Variants in CYP4X1 observed in about 807,000 individuals in gnomAD.
CYP4X1 encodes cytochrome P450 family 4 subfamily X member 1, also known as cytochrome P450 4X1.
A neutral mutation model predicts 57.9 loss-of-function variants in CYP4X1; 44 were observed. The ratio of observed to expected loss-of-function variants is 0.76; its 90% CI spans 0.60 to 0.98. The LOEUF (loss-of-function observed/expected upper bound fraction) is 0.98, where lower values mean the gene tolerates loss of function less well. CYP4X1 is among the 50% of genes least tolerant of loss of function. CYP4X1 has a pLI of 0.00. For synonymous variants in CYP4X1, 227 were observed against 228.6 expected (o/e 0.99, Z 0.06); for missense variants, 532 against 623.9 (o/e 0.85, Z 1.57).
rs187074851 is a variant in CYP4X1, at chr1:47,050,064, C to T, written c.1420C>T (p.His474Tyr). 1.8e-4 allele frequency: 293 copies of T among 1,614,008 alleles called. 4 individuals carry two copies. The highest frequency in any genetic ancestry group is 2.4e-5 in the Non-Finnish European group (28 of 1,180,000). Reference sequence around the variant, plus strand: ...GGTAACCATTGCCTTGATTCTGCTCCACTTCAGAGTGACTCCAGACCCCAC... The same window carrying T: ...GGTAACCATTGCCTTGATTCTGCTCTACTTCAGAGTGACTCCAGACCCCAC... ...LKVTIALILL[H>Y]FRVTPDPTRP... is the part of the protein sequence containing the mutation. The change falls in exon 12 of 12, where the codon CAC (histidine) becomes TAC (tyrosine). Residue 474 changes from histidine (H) to tyrosine (Y), a missense_variant. Transcript: ENST00000371901.
chr1:46,989,734 A>G, the CYP4X1 span, among the ~76,000 whole-genome samples: 1 of 152,250 alleles, frequency 6.6e-6, no homozygotes, highest in African/African-American at 2.4e-5. Context: ...TAGAGACCTC[A>G]GAAATAACAC....
At chr1:46,976,312 G>A in the CYP4X1 span, among the ~76,000 whole-genome samples, 20 of 152,296 alleles carry the variant, frequency 1.3e-4, no homozygotes, top group East Asian at 3.9e-4. Context: ...GCCTGGATCC[G>A]TGGGTCCCAT....
At chr1:47,032,211 G>A (rs895592146) in intron 3 of CYP4X1, among the ~76,000 whole-genome samples, 2 of 152,052 alleles carry the variant, frequency 1.3e-5, no homozygotes, top group Admixed American at 6.6e-5. Flanking sequence ...GCAATATTCT[G>A]TCAGCAGATA....
intron 6 of CYP4X1, among the ~76,000 whole-genome samples, chr1:47,038,044 G>A (rs959059928): frequency 6.6e-6 from 1 of 152,052 alleles, no homozygotes; most frequent in Non-Finnish European, 1.5e-5. Flanking sequence ...CAATGTACCA[G>A]AATCACACTG....
chr1:47,048,675 T>C, intron 10 of CYP4X1, 46 bp downstream of exon 10: 1 of 1,545,184 alleles, frequency 6.5e-7, no homozygotes, highest in Non-Finnish European at 8.7e-7. Context: ...ACTAATGCTG[T>C]GCAAGTCACT....
chr1:47,029,515 A>G (rs555781691), intron 1 of CYP4X1, among the ~76,000 whole-genome samples: 4 of 152,228 alleles, frequency 2.6e-5, no homozygotes, highest in Non-Finnish European at 5.9e-5. Flanking sequence ...TTTACTGCTA[A>G]GTCATGAGAA....
the CYP4X1 span, among the ~76,000 whole-genome samples, chr1:46,970,787 C>T: frequency 1.3e-5 from 2 of 152,156 alleles, no homozygotes; most frequent in South Asian, 2.1e-4. Context: ...AGATTGCACA[C>T]GCAGCTGCTG....
chr1:46,968,681 G>A, the CYP4X1 span, among the ~76,000 whole-genome samples: 1 of 151,958 alleles, frequency 6.6e-6, no homozygotes, highest in Non-Finnish European at 1.5e-5. Context: ...GAGGCACTCA[G>A]TGATTGAGTG....
upstream of CYP4X1, among the ~76,000 whole-genome samples, chr1:47,021,158 A>AAAAAAAAG (rs1643991851): frequency 6.6e-6 from 1 of 150,598 alleles, no homozygotes; most frequent in African/African-American, 2.4e-5. Flanking sequence ...AAAAAAAAAA[A>AAAAAAAAG]AAAAAAAAAA....
upstream of CYP4X1, among the ~76,000 whole-genome samples, chr1:47,021,387 G>A (rs946626392): frequency 1.3e-5 from 2 of 152,156 alleles, no homozygotes; most frequent in African/African-American, 2.4e-5. Context: ...TGAAATGGAG[G>A]TTGTGGGGAA....
chr1:47,052,433 A>G (rs1644365420), downstream of CYP4X1, among the ~76,000 whole-genome samples: 1 of 152,214 alleles, frequency 6.6e-6, no homozygotes, highest in Non-Finnish European at 1.5e-5. Context: ...AATGATAACA[A>G]GTTCACAAAG....
Position 47,045,005 on chromosome 1 carries a change from A to G in CYP4X1, c.1074-1462A>G, listed in dbSNP as rs534689392. 3.3e-5 allele frequency among the ~76,000 whole-genome samples: 5 copies of G among 152,166 alleles called. No individual in the cohort carries two copies. The East Asian group carries it at 9.7e-4, about 30-fold the overall frequency. On this transcript the variant is annotated intron_variant, in intron 8 of 11. Transcript: ENST00000371901. ...CATGCTCGGCTAATTTTGCATTTTTAGTAGAGACGGGGTTTCTCCATGTTG... is the reference window on the plus strand; with the variant it reads ...CATGCTCGGCTAATTTTGCATTTTTGGTAGAGACGGGGTTTCTCCATGTTG...
rs753273330 is a variant in CYP4X1, at chr1:47,039,430, G to A, written c.971G>A (p.Ser324Asn). The A allele has an allele frequency of 8.7e-6, 14 of 1,613,584 alleles. No homozygotes were observed. In the South Asian group the frequency reaches 1.3e-4, roughly 15 times the overall value. ...LLAGHDTLAA[S>N]ISWILYCLAL... The stretch of plus-strand genomic sequence containing the variant: ...GCAGGACATGACACCTTGGCAGCAA[G>A]CATCTCCTGGATCCTTTACTGCCTG... Residue 324 changes from serine to asparagine, a missense_variant, in exon 8 of 12, where the codon AGC becomes AAC. Physicochemically the swap from Ser to Asn is conservative, Grantham distance 46. Transcript: ENST00000371901.
At chr1:46,976,085 T>C in the CYP4X1 span, among the ~76,000 whole-genome samples, 3 of 152,002 alleles carry the variant, frequency 2.0e-5, no homozygotes, top group African/African-American at 4.8e-5. Flanking sequence ...GTTCATCTCA[T>C]TGGGACTGGT....
rs780418220 is a variant in CYP4X1 at position 47,023,845 on chromosome 1, T to C, written c.28T>C (p.Trp10Arg). Residue 10 changes from tryptophan (W) to arginine (R), a missense_variant, in exon 1 of 12, where the codon TGG (tryptophan) becomes CGG (arginine). Coordinates refer to ENST00000371901, the MANE Select transcript of CYP4X1 (RefSeq NM_178033.2). ...GGAATTCTCCTGGCTGGAGACGCGC[T>C]GGGCGCGGCCCTTTTACCTGGCGTT... MEFSWLETR[W>R]ARPFYLAFVF... 7.4e-6 allele frequency: 12 copies of C among 1,613,254 alleles called. No individual in the cohort carries two copies. The highest frequency in any genetic ancestry group is 1.7e-5 in the Admixed American group (1 of 60,014).
the CYP4X1 span, chr1:46,961,513 G>A: frequency 8.5e-7 from 1 of 1,177,010 alleles, no homozygotes; most frequent in South Asian, 1.6e-5. Flanking sequence ...CTATGTCAAA[G>A]CTGTGTGTAG....
the CYP4X1 span, among the ~76,000 whole-genome samples, chr1:46,968,645 C>G: frequency 6.6e-6 from 1 of 152,160 alleles, no homozygotes; most frequent in African/African-American, 2.4e-5. Context: ...AGTCCAGTGC[C>G]TAGGATAGCA....
In CYP4X1 at chr1:47,036,189, G is replaced by C. The variant is rs199879608; in HGVS notation, c.775+18G>C. The C allele has an allele frequency of 6.3e-7, 1 of 1,597,532 alleles. No homozygotes were observed. The highest frequency in any genetic ancestry group is 1.7e-5 in the Admixed American group (1 of 59,364). Reference sequence around the variant, plus strand: ...GTACACAGGTATTTGTTGGGTTTGGGTTGCCCACGTCCATACGCTGCCATG... The same window carrying C: ...GTACACAGGTATTTGTTGGGTTTGGCTTGCCCACGTCCATACGCTGCCATG... On this transcript the variant is annotated intron_variant, in intron 6 of 11. Transcript: ENST00000371901.
chr1:47,007,606 G>C, the CYP4X1 span, among the ~76,000 whole-genome samples: 3 of 152,170 alleles, frequency 2.0e-5, no homozygotes, highest in African/African-American at 7.2e-5. Context: ...AGAGAAGAAG[G>C]CTTCAGATGA....
Sources: allele counts gnomAD v4.1 joint callset (sites outside exome capture counted in the v4.1 genomes callset), GRCh38; gene constraint gnomAD v4.1.1; transcripts MANE v1.5; gene names NCBI Gene and HGNC (gene_info 2026-07-23, HGNC 2026-07-21).